The following DNA2 variants were observed in gnomAD, a reference collection of about 807,000 sequenced individuals.
DNA2 encodes the protein DNA replication helicase/nuclease 2, also known as DNA replication ATP-dependent helicase/nuclease DNA2.
Under a neutral mutation model 119.1 loss-of-function variants are expected in DNA2, and 101 were observed. The observed-to-expected ratio is 0.85, with a 90% CI of 0.72 to 1.00. The LOEUF is 1.00. Ranked by LOEUF, DNA2 falls within the 50% of genes least tolerant of loss-of-function variation. The pLI is 0.00. For missense variants in DNA2, 1,121 were observed against 1,255.5 expected (o/e 0.89, Z 1.62); for synonymous variants, 366 against 424.4 (o/e 0.86, Z 1.69).
rs1391549208 is a variant in DNA2 at position 68,432,304 on chromosome 10, C to T, written c.1775G>A (p.Arg592Gln). The T allele has an allele frequency of 1.9e-6, 3 of 1,599,908 alleles. No homozygotes were observed. Among genetic ancestry groups the T allele is most frequent in the South Asian group, 1.1e-5 (1 of 87,604 alleles). Residue 592 changes from arginine (R) to glutamine (Q), a missense_variant, in exon 12 of 21, where the codon CGA (arginine) becomes CAA (glutamine). Arg to Gln is a conservative substitution (Grantham distance 43). Transcript: ENST00000358410. ...TTCACGAAAGTCAATAATTAAATCT[C>T]GAAGTTTTTTGCTGAAAAGTGAAAA... ...MENTFVSKKL[R>Q]DLIIDFREPQ...
Position 68,422,514 on chromosome 10 carries a change from C to A in DNA2, c.2492+1G>T. On this transcript the variant is annotated splice_donor_variant, in intron 16 of 20. Coordinates refer to ENST00000358410, the MANE Select transcript of DNA2 (RefSeq NM_001080449.3). LOFTEE classifies it high-confidence loss of function. ...CTCCTAGCTAACACTGTTACAAATACCTGTTCATTCTGTACTGCACGGTTA... is the reference window on the plus strand; with the variant it reads ...CTCCTAGCTAACACTGTTACAAATAACTGTTCATTCTGTACTGCACGGTTA... 1 of 1,613,774 alleles carries A rather than the reference C, an allele frequency of 6.2e-7. No individual in the cohort carries two copies. Among genetic ancestry groups the A allele is most frequent in the South Asian group, 1.1e-5 (1 of 91,068 alleles).
At chr10:68,456,755 T>C (rs892381419) in intron 5 of DNA2, among the ~76,000 whole-genome samples, 6 of 150,010 alleles carry the variant, frequency 4.0e-5, no homozygotes, top group African/African-American at 1.5e-4. Flanking sequence ...TTATAAAATA[T>C]TGAAAATATT....
At position 68,431,856 on chromosome 10, in the gene DNA2, C is replaced by T. The variant is rs765526721; in HGVS notation, c.1983+6G>A. ...TTGTCTCTAAGCAGAAGAATAATAA[C>T]CTTACGAGAGTACATATCGTAGTTG... On this transcript the variant is annotated splice_donor_region_variant and intron_variant, in intron 13 of 20. Coordinates refer to ENST00000358410, the MANE Select transcript of DNA2 (RefSeq NM_001080449.3). The T allele has an allele frequency of 1.3e-6, 2 of 1,580,830 alleles. No homozygotes were observed. Among genetic ancestry groups the T allele is most frequent in the East Asian group, 2.2e-5 (1 of 44,698 alleles).
chr10:68,421,236 T>C (rs1248717663), intron 17 of DNA2, among the ~76,000 whole-genome samples: 1 of 151,778 alleles, frequency 6.6e-6, no homozygotes, highest in Non-Finnish European at 1.5e-5. Flanking sequence ...GTGCCCGGGT[T>C]TAAAGTCTGT....
intron 5 of DNA2, among the ~76,000 whole-genome samples, chr10:68,451,096 T>TAA (rs754298528): frequency 0.13 from 13,190 of 98,464 alleles, 935 homozygotes; most frequent in East Asian, 0.39. Flanking sequence ...CAAGACTGTC[T>TAA]AAAAAAAAAA....
At chr10:68,446,175 A>G (rs1590064254) in intron 7 of DNA2, 121 bp downstream of exon 7, 1 of 598,196 alleles carries the variant, frequency 1.7e-6, no homozygotes, top group African/African-American at 1.9e-5. Context: ...AAAAAAACCC[A>G]CAGCTACAAA....
At chr10:68,459,378 T>C (rs1443288190) in intron 4 of DNA2, 143 bp from the exon 5 acceptor site, 2 of 798,686 alleles carry the variant, frequency 2.5e-6, no homozygotes, top group Admixed American at 3.3e-5. Context: ...CGTCAGCCAA[T>C]AAATGGATAA....
chr10:68,435,664 A>G (rs550089870), intron 10 of DNA2, among the ~76,000 whole-genome samples: 36 of 145,016 alleles, frequency 2.5e-4, no homozygotes, highest in African/African-American at 8.8e-4. Flanking sequence ...TCATCGTGTT[A>G]GCCAGGATGG....
intron 3 of DNA2, among the ~76,000 whole-genome samples, chr10:68,466,273 C>A (rs1476696910): frequency 2.6e-5 from 4 of 151,756 alleles, no homozygotes; most frequent in Non-Finnish European, 5.9e-5. Context: ...CAATGTTCTC[C>A]ATTTTGAAAA....
In DNA2 at chr10:68,422,521, A is replaced by G. The variant is rs1185208100; in HGVS notation, c.2486T>C (p.Met829Thr). The G allele has an allele frequency of 6.2e-7, 1 of 1,613,968 alleles. No individual in the cohort carries two copies. Among genetic ancestry groups the G allele is most frequent in the Admixed American group, 1.7e-5 (1 of 60,020 alleles). ...AVVQLTVQYRMNSKIMSLSNK... is the reference protein window; with the variant it reads ...AVVQLTVQYRTNSKIMSLSNK... Reference sequence around the variant, plus strand: ...CTAACACTGTTACAAATACCTGTTCATTCTGTACTGCACGGTTAACTGTAC... The same window carrying G: ...CTAACACTGTTACAAATACCTGTTCGTTCTGTACTGCACGGTTAACTGTAC... Residue 829 changes from methionine to threonine, a missense_variant, in exon 16 of 21, where the codon ATG (methionine) becomes ACG (threonine). Met to Thr is a moderately conservative substitution (Grantham distance 81). Coordinates refer to ENST00000358410, the MANE Select transcript of DNA2 (RefSeq NM_001080449.3).
At chr10:68,465,913 G>T in intron 3 of DNA2, 101 bp from the exon 4 acceptor site, 1 of 1,096,248 alleles carries the variant, frequency 9.1e-7, no homozygotes, top group Non-Finnish European at 1.2e-6. Flanking sequence ...AAATGCACTG[G>T]TAAGACAAAT....
intron 4 of DNA2, among the ~76,000 whole-genome samples, chr10:68,463,005 G>A (rs2052278831): frequency 6.6e-6 from 1 of 151,990 alleles, no homozygotes; most frequent in Admixed American, 6.6e-5. Context: ...GGTGGCACAC[G>A]CCTGTAATCC....
At chr10:68,425,088 CTTTTTTTTTTTTT>C (rs60065153) in intron 14 of DNA2, 3 of 131,384 alleles carry the variant, frequency 2.3e-5, no homozygotes, top group Non-Finnish European at 4.0e-5. Flanking sequence ...TGGAACATTT[CTTTTTTTTTTTTT>C]TTTTTTTTTT....
chr10:68,472,058 G>A, upstream of DNA2: 2 of 1,597,204 alleles, frequency 1.3e-6, no homozygotes, highest in Non-Finnish European at 1.7e-6. Flanking sequence ...CCTCACCTGA[G>A]CAGCAGGGCT....
chr10:68,419,558 C>T (rs934640531), intron 18 of DNA2: 2 of 557,858 alleles, frequency 3.6e-6, no homozygotes, highest in Non-Finnish European at 6.3e-6. Context: ...ATCACTACAA[C>T]ATAGTATTGT....
chr10:68,436,783 TG>T, intron 10 of DNA2: 1 of 370,438 alleles, frequency 2.7e-6, no homozygotes, highest in Non-Finnish European at 4.8e-6. Flanking sequence ...TGCCACGGGC[TG>T]GGGAAATTGG....
chr10:68,426,082 G>C (rs899687324), intron 14 of DNA2, among the ~76,000 whole-genome samples: 13 of 152,072 alleles, frequency 8.5e-5, no homozygotes, highest in African/African-American at 3.1e-4. Context: ...GTTACAGAGA[G>C]CCAAGATCGG....
intron 2 of DNA2, among the ~76,000 whole-genome samples, chr10:68,469,279 C>T (rs1254682392): frequency 6.6e-6 from 1 of 151,236 alleles, no homozygotes; most frequent in Non-Finnish European, 1.5e-5. Flanking sequence ...GGCGCGGTGG[C>T]TCACGCCTGT....
chr10:68,430,746 C>G lies in DNA2; in HGVS notation c.1984-86G>C, dbSNP rs537580665. Reference sequence around the variant, plus strand: ...AACATGTTTATAAACTTAACAAGAACCATATCTAAGAGCTGAGCCAAGTAA... The same window carrying G: ...AACATGTTTATAAACTTAACAAGAAGCATATCTAAGAGCTGAGCCAAGTAA... On this transcript the variant is annotated intron_variant, in intron 13 of 20. Coordinates refer to ENST00000358410, the MANE Select transcript of DNA2 (RefSeq NM_001080449.3). 5 of 1,066,646 alleles carry G rather than the reference C, an allele frequency of 4.7e-6. No homozygotes were observed. The African/African-American group carries it at 8.0e-5, about 17-fold the overall frequency. The allele number at this position is 1,066,646 out of a possible 1,614,324, so 66.1% of individuals were successfully genotyped here. A position where few individuals can be genotyped will look rare whatever the true frequency, so the allele number is the denominator to read the frequency against.
Sources: gnomAD v4.1 joint callset for allele counts (sites outside exome capture counted in the v4.1 genomes callset) on GRCh38, gnomAD v4.1.1 for gene constraint, MANE v1.5 for transcripts, NCBI Gene and HGNC (gene_info 2026-07-23, HGNC 2026-07-21) for gene names.